The following UTRN variants were observed in gnomAD, a reference collection of about 807,000 sequenced individuals.
UTRN encodes utrophin, also known as dystrophin-related protein 1.
UTRN carries 283 observed loss-of-function variants against 463.9 expected under a neutral mutation model. The ratio of observed to expected loss-of-function variants is 0.61; its 90% CI spans 0.55 to 0.67. The LOEUF (loss-of-function observed/expected upper bound fraction) is 0.67, where lower values mean the gene tolerates loss of function less well. UTRN is among the 30% of genes least tolerant of loss of function. The pLI, the probability that UTRN is intolerant of heterozygous loss-of-function variation, is 0.00. For synonymous variants in UTRN, 1,442 were observed against 1,431.5 expected (o/e 1.01, Z -0.17); for missense variants, 3,922 against 4,084.3 (o/e 0.96, Z 1.08).
intron 2 of UTRN, chr6:144,333,435 C>T (rs1776482642): frequency 6.6e-6 from 1 of 152,148 alleles, no homozygotes. Context: ...AGACATTTTC[C>T]ATAACATATT....
In UTRN at chr6:144,542,729, C is replaced by T. The variant is rs558161095; in HGVS notation, c.6520-66C>T. On this transcript the variant is annotated intron_variant, in intron 45 of 74. Transcript: ENST00000367545. ...GCTGCCATTCAGAATAACACCTCTTCTTTTGAACTACAGTCATCTTTATTT... is the reference window on the plus strand; with the variant it reads ...GCTGCCATTCAGAATAACACCTCTTTTTTTGAACTACAGTCATCTTTATTT... The T allele has an allele frequency of 2.4e-5, 37 of 1,520,204 alleles. No individual in the cohort carries two copies. The South Asian group carries it at 4.3e-4, about 18-fold the overall frequency. 94.2% of individuals were successfully genotyped at this position (1,520,204 alleles called of 1,614,324 possible). A position where few individuals can be genotyped will look rare whatever the true frequency, so the allele number is the denominator to read the frequency against.
At chr6:144,723,714 A>C (rs772717687) in intron 53 of UTRN, among the ~76,000 whole-genome samples, 17 of 152,158 alleles carry the variant, frequency 1.1e-4, no homozygotes, top group African/African-American at 2.9e-4. Flanking sequence ...GAAAAGAAAC[A>C]AATTAGGCTG....
At chr6:144,566,636 G>A (rs1236808760) in intron 50 of UTRN, among the ~76,000 whole-genome samples, 2 of 152,112 alleles carry the variant, frequency 1.3e-5, no homozygotes, top group African/African-American at 4.8e-5. Flanking sequence ...CTTCCTCATT[G>A]AGGCAGTGGT....
chr6:144,636,310 A>G (rs1168331474), intron 51 of UTRN, among the ~76,000 whole-genome samples: 1 of 151,138 alleles, frequency 6.6e-6, no homozygotes, highest in Non-Finnish European at 1.5e-5. Context: ...CAAACCCTGC[A>G]TGTTCTCACT....
At chr6:144,356,883 A>G (rs946237030) in intron 2 of UTRN, among the ~76,000 whole-genome samples, 2 of 151,456 alleles carry the variant, frequency 1.3e-5, no homozygotes, top group Non-Finnish European at 1.5e-5. Flanking sequence ...ATATATACAT[A>G]TGTGTGTGTA....
At chr6:144,628,515 A>T (rs1264131614) in intron 51 of UTRN, among the ~76,000 whole-genome samples, 1 of 152,034 alleles carries the variant, frequency 6.6e-6, no homozygotes, top group Non-Finnish European at 1.5e-5. Flanking sequence ...AGCCCTACTG[A>T]GCTGTTTAAA....
At chr6:144,514,339 A>G (rs1025923574) in intron 36 of UTRN, among the ~76,000 whole-genome samples, 9 of 152,164 alleles carry the variant, frequency 5.9e-5, no homozygotes, top group Non-Finnish European at 1.2e-4. Context: ...TTACTTCTGT[A>G]TTCTCCAGTG....
At chr6:144,347,700 G>A (rs1174716420) in intron 2 of UTRN, among the ~76,000 whole-genome samples, 1 of 152,104 alleles carries the variant, frequency 6.6e-6, no homozygotes, top group Non-Finnish European at 1.5e-5. Context: ...GGGCAGTGGT[G>A]TCCTTATGAG....
Position 144,523,121 on chromosome 6 carries a change from A to G in UTRN, c.5839A>G (p.Arg1947Gly). The change falls in exon 41 of 75, where the codon AGA (arginine) becomes GGA (glycine). Residue 1947 changes from arginine to glycine, a missense_variant. Physicochemically the swap from Arg to Gly is moderately radical, Grantham distance 125. Transcript: ENST00000367545. ...EASGPEAIQI[R>G]DTLTQLNAKW... ...CTCTGGACCTGAAGCCATTCAGATC[A>G]GAGATACACTTACTCAGCTGAATGC... 1 of 1,613,650 alleles carries G rather than the reference A, an allele frequency of 6.2e-7. No homozygotes were observed. The highest frequency in any genetic ancestry group is 1.3e-5 in the African/African-American group (1 of 75,036).
chr6:144,421,761 A>C, intron 3 of UTRN, 117 bp from the exon 4 acceptor site: 1 of 517,420 alleles, frequency 1.9e-6, no homozygotes, highest in Non-Finnish European at 3.1e-6. Flanking sequence ...TAGTCTGCAG[A>C]TCATCCACAA....
chr6:144,442,368 A>G (rs981723181), intron 13 of UTRN, among the ~76,000 whole-genome samples: 4 of 151,724 alleles, frequency 2.6e-5, no homozygotes, highest in African/African-American at 7.3e-5. Context: ...AATGTTTCCA[A>G]CCTCTGCCTG....
intron 51 of UTRN, among the ~76,000 whole-genome samples, chr6:144,641,002 G>T (rs1487377825): frequency 6.6e-6 from 1 of 152,116 alleles, no homozygotes; most frequent in Non-Finnish European, 1.5e-5. Context: ...CTGTGCACTA[G>T]ATTGTATCTT....
chr6:144,467,471 C>T lies in UTRN; in HGVS notation c.3066+4605C>T, dbSNP rs183469210. On this transcript the variant is annotated intron_variant, in intron 23 of 74. Coordinates refer to ENST00000367545, the MANE Select transcript of UTRN (RefSeq NM_007124.3). ...GCAGATGTGAATGTAATTGATGTGT[C>T]CGGCCTCTCTAGTGAGAGTGGATTT... 4.0e-4 allele frequency among the ~76,000 whole-genome samples: 61 copies of T among 152,292 alleles called. 2 individuals carry two copies. The highest frequency in any genetic ancestry group is 3.3e-3 in the Admixed American group (50 of 15,296).
At chr6:144,310,339 C>G (rs1254005764) in intron 2 of UTRN, among the ~76,000 whole-genome samples, 1 of 151,660 alleles carries the variant, frequency 6.6e-6, no homozygotes, top group African/African-American at 2.4e-5. Context: ...GAGTTGGAGA[C>G]CAGCCTGGCC....
At chr6:144,736,403 C>T (rs1231013647) in intron 54 of UTRN, among the ~76,000 whole-genome samples, 1 of 152,056 alleles carries the variant, frequency 6.6e-6, no homozygotes, top group Admixed American at 6.6e-5. Flanking sequence ...TTTTAGGTAA[C>T]CATTCTAGAA....
In UTRN at chr6:144,286,335, G is replaced by C. The variant is rs1316772816; in HGVS notation, c.-93+514G>C. 1.3e-5 allele frequency among the ~76,000 whole-genome samples: 2 copies of C among 152,124 alleles called. No individual in the cohort carries two copies. The highest frequency in any genetic ancestry group is 4.8e-5 in the African/African-American group (2 of 41,438). On this transcript the variant is annotated intron_variant, in intron 1 of 74. Transcript: ENST00000367545. This position sits in a 1 kb window ranked among gnomAD's most constrained non-coding sequence, Gnocchi z 4.4. ...GGCAGAGGGTGGCTGTGTGGTCGGC[G>C]GCCAGCGGAGCGCTTCCCAGCCAGC...
intron 51 of UTRN, among the ~76,000 whole-genome samples, chr6:144,606,589 T>C (rs2128639662): frequency 6.6e-6 from 1 of 152,314 alleles, no homozygotes; most frequent in East Asian, 1.9e-4. Context: ...TTGATCTGGG[T>C]CTTAAAGCAG....
chr6:144,786,937 G>T (rs1057411528), intron 61 of UTRN, among the ~76,000 whole-genome samples: 1 of 152,160 alleles, frequency 6.6e-6, no homozygotes, highest in African/African-American at 2.4e-5. Context: ...ACAGTACACA[G>T]AGCAATGTCA....
At chr6:144,409,576 C>G (rs1210252980) in intron 3 of UTRN, among the ~76,000 whole-genome samples, 1 of 151,776 alleles carries the variant, frequency 6.6e-6, no homozygotes, top group Non-Finnish European at 1.5e-5. Context: ...GGGCTTATGC[C>G]AGGGTGGGAA....
Sources: allele counts gnomAD v4.1 joint callset (sites outside exome capture counted in the v4.1 genomes callset), GRCh38; gene constraint gnomAD v4.1.1; non-coding constraint Gnocchi (gnomAD v3.1); transcripts MANE v1.5; gene names NCBI Gene and HGNC (gene_info 2026-07-23, HGNC 2026-07-21).